CARS2: variants seen among roughly 807,000 people sequenced by gnomAD.
The protein encoded by CARS2 is probable cysteine--tRNA ligase, mitochondrial.
CARS2 carries 52 observed loss-of-function variants against 68.8 expected under a neutral mutation model. The ratio of observed to expected loss-of-function variants is 0.76; its 90% confidence interval spans 0.61 to 0.95. The LOEUF is 0.95. CARS2 is among the 40% of genes least tolerant of loss of function. The probability of loss-of-function intolerance (pLI) is 0.00; values close to 1 mark genes in which losing one functional copy is unlikely to be tolerated. For synonymous variants in CARS2, 314 were observed against 303.6 expected (o/e 1.03, Z -0.36); for missense variants, 780 against 754.2 (o/e 1.03, Z -0.40).
At position 110,705,982 on chromosome 13, in the gene CARS2, G is replaced by T. The variant is rs776199362; in HGVS notation, c.112C>A (p.Arg38Ser). The change falls in exon 1 of 15, where the codon CGC becomes AGC. Residue 38 changes from arginine to serine, a missense_variant. Coordinates refer to ENST00000257347, the MANE Select transcript of CARS2 (RefSeq NM_024537.4). This position sits in a 1 kb window ranked among gnomAD's most constrained non-coding sequence, Gnocchi z 4.0. The stretch of plus-strand genomic sequence containing the variant: ...GTGGGCTGCAGCCAGGCCCGCCCGC[G>T]CCCCCCGCTCGCCGCCCGGCCCGCA... ...WPAGRAASGG[R>S]GRAWLQPTGR... The T allele has an allele frequency of 2.7e-6, 4 of 1,507,476 alleles. No homozygotes were observed. The South Asian group carries it at 5.0e-5, about 19-fold the overall frequency. 93.4% of individuals were successfully genotyped at this position (1,507,476 alleles called of 1,614,324 possible).
intron 3 of CARS2, among the ~76,000 whole-genome samples, chr13:110,692,479 A>C (rs2063499635): frequency 1.3e-5 from 2 of 152,054 alleles, no homozygotes; most frequent in Non-Finnish European, 2.9e-5. Flanking sequence ...CTCAAAAAAA[A>C]AAATTAATAA....
chr13:110,643,871 A>G, intron 13 of CARS2: 1 of 259,920 alleles, frequency 3.8e-6, no homozygotes, highest in South Asian at 3.8e-5. Flanking sequence ...TTGAGTTACA[A>G]CGGAAGAGAA....
At chr13:110,679,622 A>G (rs28776578) in intron 6 of CARS2, among the ~76,000 whole-genome samples, 54 of 113,392 alleles carry the variant, frequency 4.8e-4, no homozygotes, top group African/African-American at 1.3e-3. Context: ...AGAGAGAGAG[A>G]GAGGGAGGGA....
intron 7 of CARS2, among the ~76,000 whole-genome samples, chr13:110,673,867 C>G (rs1200444725): frequency 6.6e-6 from 1 of 152,148 alleles, no homozygotes; most frequent in Non-Finnish European, 1.5e-5. Flanking sequence ...TCAGCAAAGT[C>G]TCAGGATACA....
intron 10 of CARS2, among the ~76,000 whole-genome samples, 153 bp from the exon 11 acceptor site, chr13:110,647,392 C>T (rs1453198538): frequency 6.6e-6 from 1 of 152,230 alleles, no homozygotes; most frequent in Non-Finnish European, 1.5e-5. Flanking sequence ...GACCGCGAGT[C>T]CCTAGGCCCA....
At chr13:110,663,740 T>G (rs2062572979) in intron 8 of CARS2, 1 of 1,286,458 alleles carries the variant, frequency 7.8e-7, no homozygotes, top group Non-Finnish European at 9.8e-7. Context: ...AGCCCCACAC[T>G]GAGAGCAGAT....
intron 6 of CARS2, among the ~76,000 whole-genome samples, chr13:110,679,589 AAGAAAGAAAGAGAGAGAGAG>A (rs2063086135): frequency 1.2e-5 from 1 of 83,884 alleles, no homozygotes; most frequent in Non-Finnish European, 2.3e-5. Flanking sequence ...GAAAGAAAGA[AAGAAAGAAAGAGAGAGAGAG>A]AGAGAGAGAG....
chr13:110,651,547 ACCT>A (rs2062214933), intron 9 of CARS2, among the ~76,000 whole-genome samples: 1 of 151,762 alleles, frequency 6.6e-6, no homozygotes, highest in South Asian at 2.1e-4. Context: ...GACCCGGCTG[ACCT>A]CCAGCTCAGC....
intron 8 of CARS2, chr13:110,666,669 A>G: frequency 1.0e-6 from 1 of 985,476 alleles, no homozygotes; most frequent in Non-Finnish European, 1.2e-6. Context: ...CAAGGACTTC[A>G]AAAGATAGTA....
At chr13:110,710,529 A>C (rs978359819), upstream of CARS2, among the ~76,000 whole-genome samples, 6 of 152,190 alleles carry the variant, frequency 3.9e-5, no homozygotes, top group African/African-American at 1.4e-4. Flanking sequence ...TGTTCTACGG[A>C]AAAGTTTTAA....
upstream of CARS2, among the ~76,000 whole-genome samples, chr13:110,709,430 A>C (rs2064009299): frequency 1.3e-5 from 2 of 152,164 alleles, no homozygotes; most frequent in African/African-American, 4.8e-5. Flanking sequence ...GCGGATCATC[A>C]AAACAAGGAG....
At chr13:110,641,988 G>A (rs1887387395) in intron 14 of CARS2, among the ~76,000 whole-genome samples, 1 of 152,172 alleles carries the variant, frequency 6.6e-6, no homozygotes, top group Admixed American at 6.5e-5. Context: ...GATCACCTGA[G>A]GTCGGGAGTT....
intron 14 of CARS2, 101 bp from the exon 15 acceptor site, chr13:110,641,709 G>C: frequency 1.0e-6 from 1 of 952,714 alleles, no homozygotes; most frequent in Non-Finnish European, 1.7e-6. Context: ...TTCCCTCACC[G>C]GCCTGTCCTA....
rs1566365748 is a variant in CARS2, at chr13:110,705,768, T to TGCAGCTTCCTAAACGCCCTCCCC, written c.224+79_224+101dup. 6.5e-7 allele frequency: 1 copy of TGCAGCTTCCTAAACGCCCTCCCC among 1,532,156 alleles called. No homozygotes were observed. Among genetic ancestry groups the TGCAGCTTCCTAAACGCCCTCCCC allele is most frequent in the Admixed American group, 2.0e-5 (1 of 50,452 alleles). The allele number at this position is 1,532,156 out of a possible 1,614,324, so 94.9% of individuals were successfully genotyped here. ...CCAGCTTCTAGAACGGCGCCCTCCA[T>TGCAGCTTCCTAAACGCCCTCCCC]GCAGCTTCCTAAACGCCCTCCCCGA... On this transcript the variant is annotated intron_variant, in intron 1 of 14. Coordinates refer to ENST00000257347, the MANE Select transcript of CARS2 (RefSeq NM_024537.4). This position sits in a 1 kb window ranked among gnomAD's most constrained non-coding sequence, Gnocchi z 4.0.
rs978722726 is a variant in CARS2, at chr13:110,666,344, TG to T, written c.919+995del. On this transcript the variant is annotated intron_variant, in intron 8 of 14. Transcript: ENST00000257347. ...CTGAGCCCTCCCCAGGGAAATGGTA[TG>T]GGGTGCTGGACAACAGCTCCTAAGT... 79 of 985,282 alleles carry T rather than the reference TG, an allele frequency of 8.0e-5. No homozygotes were observed. In the African/African-American group the frequency reaches 1.3e-3, roughly 16 times the overall value. The allele number at this position is 985,282 out of a possible 1,614,324, so 61.0% of individuals were successfully genotyped here. A position where few individuals can be genotyped will look rare whatever the true frequency, so the allele number is the denominator to read the frequency against.
intron 3 of CARS2, among the ~76,000 whole-genome samples, chr13:110,691,326 TTA>T: frequency 6.6e-6 from 1 of 152,270 alleles, no homozygotes; most frequent in Admixed American, 6.5e-5. Flanking sequence ...GGAAGTATTT[TTA>T]TATTAAAGAA....
chr13:110,697,091 G>A (rs1230355820), intron 3 of CARS2, among the ~76,000 whole-genome samples: 2 of 152,216 alleles, frequency 1.3e-5, no homozygotes, highest in Non-Finnish European at 2.9e-5. Flanking sequence ...TTCTGATCTT[G>A]AAGATTCATG....
rs78214217 is a variant in CARS2, at chr13:110,677,265, A to G, written c.656-162T>C. Among the ~76,000 whole-genome samples, 237 of 27,440 alleles carry G rather than the reference A, an allele frequency of 8.6e-3. 14 individuals carry two copies. The highest frequency in any genetic ancestry group is 0.012 in the African/African-American group (140 of 11,858). 18.0% of individuals were successfully genotyped at this position (27,440 alleles called of 152,430 possible). ...ACCCAGACAGTCACCCCCACCACAG[A>G]GACCCAGTCACCCCCACCACGGAAA... On this transcript the variant is annotated intron_variant, in intron 6 of 14. Transcript: ENST00000257347.
chr13:110,704,087 A>C (rs368993251), intron 2 of CARS2, among the ~76,000 whole-genome samples: 14 of 152,360 alleles, frequency 9.2e-5, no homozygotes, highest in African/African-American at 3.4e-4. Flanking sequence ...TCCTAGCCCC[A>C]GAAAGAAAGA....
Sources: gnomAD v4.1 joint callset for allele counts (sites outside exome capture counted in the v4.1 genomes callset) on GRCh38, gnomAD v4.1.1 for gene constraint, Gnocchi (gnomAD v3.1) non-coding constraint, MANE v1.5 for transcripts, NCBI Gene and HGNC (gene_info 2026-07-23, HGNC 2026-07-21) for gene names.